SHISA6: variants seen among roughly 807,000 people sequenced by gnomAD.
SHISA6 encodes shisa family member 6, also known as protein shisa-6.
A neutral mutation model predicts 47.9 loss-of-function variants in SHISA6; 22 were observed. That is an observed-to-expected ratio of 0.46 (90% CI 0.33 to 0.66). The LOEUF is 0.66. Among genes scored for constraint, SHISA6 ranks in the 30% least tolerant of loss-of-function variants. The pLI, the probability that SHISA6 is intolerant of heterozygous loss-of-function variation, is 0.02. For missense variants in SHISA6, 680 were observed against 764.6 expected, an observed-to-expected ratio of 0.89 and a Z score of 1.30; for synonymous variants, 388 against 337.8, an observed-to-expected ratio of 1.15 and a Z score of -1.63.
chr17:11,256,348 T>G (rs151193857), intron 1 of SHISA6, among the ~76,000 whole-genome samples: 1,888 of 152,178 alleles, frequency 0.012, 36 homozygotes, highest in African/African-American at 0.043. Context: ...ATACAAAAAG[T>G]AGCTGGGCGT....
intron 3 of SHISA6, among the ~76,000 whole-genome samples, chr17:11,430,521 G>A (rs574655643): frequency 1.5e-4 from 23 of 152,196 alleles, no homozygotes; most frequent in Admixed American, 1.4e-3. Context: ...GGGGTTTGGA[G>A]GTGTTTGTTA....
At chr17:11,278,732 C>G (rs1868603541) in intron 2 of SHISA6, among the ~76,000 whole-genome samples, 1 of 152,246 alleles carries the variant, frequency 6.6e-6, no homozygotes, top group South Asian at 2.1e-4. Context: ...GCTCTGTATT[C>G]AAGCTTCGTA....
intron 3 of SHISA6, among the ~76,000 whole-genome samples, chr17:11,509,293 G>A (rs1422817551): frequency 6.6e-6 from 1 of 152,182 alleles, no homozygotes; most frequent in Non-Finnish European, 1.5e-5. Flanking sequence ...AACACAGTCT[G>A]AGGAGATCCA....
chr17:11,257,019 T>C (rs771199881), intron 1 of SHISA6, among the ~76,000 whole-genome samples: 3 of 152,174 alleles, frequency 2.0e-5, no homozygotes, highest in Admixed American at 6.5e-5. Flanking sequence ...TGAATTTCAA[T>C]TGTGCTGGGG....
chr17:11,395,034 C>T (rs1406843282), intron 3 of SHISA6, among the ~76,000 whole-genome samples: 2 of 128,564 alleles, frequency 1.6e-5, no homozygotes, highest in African/African-American at 6.1e-5. Context: ...CAGAGTCTCG[C>T]TCTGTTGCCC....
At chr17:11,314,751 G>T (rs1337450386) in intron 2 of SHISA6, among the ~76,000 whole-genome samples, 8 of 152,064 alleles carry the variant, frequency 5.3e-5, no homozygotes, top group African/African-American at 1.9e-4. Flanking sequence ...TATTGGCCAG[G>T]CTGGTCTCGA....
At chr17:11,422,396 G>A (rs1456574811) in intron 3 of SHISA6, among the ~76,000 whole-genome samples, 1 of 152,158 alleles carries the variant, frequency 6.6e-6, no homozygotes, top group African/African-American at 2.4e-5. Flanking sequence ...CTAAGCCAGT[G>A]GAATACCAGG....
chr17:11,510,176 G>A (rs1306157052), intron 3 of SHISA6, among the ~76,000 whole-genome samples: 4 of 151,796 alleles, frequency 2.6e-5, no homozygotes, highest in African/African-American at 4.8e-5. Context: ...ACCCCTTCCC[G>A]AAGCTCACTC....
intron 2 of SHISA6, among the ~76,000 whole-genome samples, chr17:11,305,246 G>A (rs764807914): frequency 9.2e-5 from 14 of 152,304 alleles, no homozygotes; most frequent in Non-Finnish European, 1.9e-4. Context: ...GAAGCACCTA[G>A]GACATTGTCA....
chr17:11,519,702 C>T (rs1483431412), intron 3 of SHISA6, among the ~76,000 whole-genome samples: 1 of 151,998 alleles, frequency 6.6e-6, no homozygotes, highest in African/African-American at 2.4e-5. Context: ...AAATACCTGC[C>T]CCCCACCAAA....
chr17:11,433,352 G>GTTAGT (rs1914845041), intron 3 of SHISA6, among the ~76,000 whole-genome samples: 1 of 152,116 alleles, frequency 6.6e-6, no homozygotes, highest in Non-Finnish European at 1.5e-5. Context: ...TTGTTCCTGT[G>GTTAGT]TTAGTTTGCT....
intron 2 of SHISA6, among the ~76,000 whole-genome samples, chr17:11,312,860 C>T (rs563862161): frequency 6.6e-6 from 1 of 152,220 alleles, no homozygotes; most frequent in African/African-American, 2.4e-5. Flanking sequence ...TCCTTGTGCA[C>T]TTGTGCAAAA....
chr17:11,395,513 C>CTTTTTTTTTTTT, intron 3 of SHISA6, among the ~76,000 whole-genome samples: 1 of 117,412 alleles, frequency 8.5e-6, no homozygotes, highest in Non-Finnish European at 1.8e-5. Context: ...GGCAGTTTTA[C>CTTTTTTTTTTTT]TTTTTTTTTT....
At chr17:11,386,388 GAAAA>G (rs1913195623) in intron 3 of SHISA6, among the ~76,000 whole-genome samples, 2 of 151,934 alleles carry the variant, frequency 1.3e-5, no homozygotes, top group African/African-American at 4.8e-5. Context: ...AAATTAAAAA[GAAAA>G]AGAAAAAGTA....
At chr17:11,332,118 T>C (rs1304580973) in intron 2 of SHISA6, among the ~76,000 whole-genome samples, 2 of 149,298 alleles carry the variant, frequency 1.3e-5, no homozygotes, top group South Asian at 2.2e-4. Flanking sequence ...ACAGGAGTTA[T>C]GGATTCAATT....
chr17:11,529,837 A>G (rs975430153), intron 3 of SHISA6, among the ~76,000 whole-genome samples: 4 of 152,200 alleles, frequency 2.6e-5, no homozygotes, highest in Non-Finnish European at 5.9e-5. Flanking sequence ...CTAATAGGGG[A>G]AAAATGGGCA....
In SHISA6 at chr17:11,557,972, T is replaced by C; in HGVS notation, c.1324T>C (p.Ser442Pro). The change falls in exon 6 of 6, where the codon TCC becomes CCC. Residue 442 changes from serine to proline, a missense_variant. This residue lies in a region of SHISA6 where 559 missense variants were observed against 674.1 expected (regional missense o/e 0.83). Transcript: ENST00000441885. ...CAGCATGCCCTACGACCGCATCCTG[T>C]CCGACGAGCAGCTGCTCTCCACGGA... ...EFSMPYDRIL[S>P]DEQLLSTERL... The C allele has an allele frequency of 6.4e-7, 1 of 1,551,478 alleles. No homozygotes were observed. Among genetic ancestry groups the C allele is most frequent in the Middle Eastern group, 1.7e-4 (1 of 5,992 alleles).
intron 3 of SHISA6, among the ~76,000 whole-genome samples, chr17:11,414,650 C>G (rs926670414): frequency 4.6e-5 from 7 of 152,190 alleles, no homozygotes; most frequent in African/African-American, 1.7e-4. Flanking sequence ...TAATAATACT[C>G]TCCCTTAGGA....
At chr17:11,359,996 A>C (rs1161598339) in intron 2 of SHISA6, among the ~76,000 whole-genome samples, 1 of 152,234 alleles carries the variant, frequency 6.6e-6, no homozygotes, top group Admixed American at 6.5e-5. Flanking sequence ...AAATCATTCT[A>C]CTATAAAGAC....
Sources: allele counts gnomAD v4.1 joint callset (sites outside exome capture counted in the v4.1 genomes callset), GRCh38; gene constraint gnomAD v4.1.1; regional missense constraint gnomAD v4.1.1; transcripts MANE v1.5; gene names NCBI Gene and HGNC (gene_info 2026-07-23, HGNC 2026-07-21).